The following CTBP2 variants were observed in gnomAD, a reference collection of about 807,000 sequenced individuals.
CTBP2 encodes the protein C-terminal binding protein 2, also known as C-terminal-binding protein 2.
CTBP2 carries 30 observed loss-of-function variants against 80.3 expected under a neutral mutation model. The ratio of observed to expected loss-of-function variants is 0.37; its 90% CI spans 0.28 to 0.51. The LOEUF (loss-of-function observed/expected upper bound fraction) is 0.51. CTBP2 is among the 20% of genes least tolerant of loss of function. CTBP2 has a pLI of 0.93. For missense variants in CTBP2, 1,212 were observed against 1,375.3 expected (o/e 0.88, Z 1.88); for synonymous variants, 594 against 587.4 (o/e 1.01, Z -0.16).
At chr10:125,020,975 C>G (rs1467101794) in intron 1 of CTBP2, among the ~76,000 whole-genome samples, 1 of 152,198 alleles carries the variant, frequency 6.6e-6, no homozygotes, top group East Asian at 1.9e-4. Context: ...AAACTGAGGA[C>G]CACAGCAGGG....
chr10:125,130,037 C>T (rs1028319559), intron 1 of CTBP2, among the ~76,000 whole-genome samples: 1 of 79,622 alleles, frequency 1.3e-5, no homozygotes, highest in African/African-American at 4.0e-5. Flanking sequence ...CACAGGATTT[C>T]TCTCTTTTTT....
Position 125,005,526 on chromosome 10 carries a change from C to T in CTBP2, c.1679-2034G>A, listed in dbSNP as rs149175341. The T allele has an allele frequency of 5.1e-4, 815 of 1,596,094 alleles. 2 individuals carry two copies. The highest frequency in any genetic ancestry group is 4.8e-3 in the African/African-American group (359 of 74,644). ...GGGGAAAATAAGGCAGGGACGAGGG[C>T]CAACACCCCCGTGTCCTCACCAGCC... On this transcript the variant is annotated intron_variant, in intron 1 of 8. Transcript: ENST00000309035.
intron 2 of CTBP2, among the ~76,000 whole-genome samples, chr10:125,045,688 ACCACGTTGGC>A (rs1445797253): frequency 6.6e-6 from 1 of 152,098 alleles, no homozygotes; most frequent in African/African-American, 2.4e-5. Context: ...ACAGGGTTTC[ACCACGTTGGC>A]CAGGCTGGTC....
intron 2 of CTBP2, among the ~76,000 whole-genome samples, chr10:125,061,483 G>A (rs1964965094): frequency 6.6e-6 from 1 of 152,202 alleles, no homozygotes; most frequent in Non-Finnish European, 1.5e-5. Flanking sequence ...GCCAGGAACA[G>A]GACCTCCCTC....
At chr10:125,098,692 G>GACAGAGAGAC (rs1564913926) in intron 2 of CTBP2, among the ~76,000 whole-genome samples, 6 of 118,778 alleles carry the variant, frequency 5.1e-5, no homozygotes, top group Non-Finnish European at 8.5e-5. Context: ...GAGAGAGAGA[G>GACAGAGAGAC]AGAGAGAGAG....
At chr10:125,037,245 T>C (rs2134946776) in intron 3 of CTBP2, among the ~76,000 whole-genome samples, 1 of 152,290 alleles carries the variant, frequency 6.6e-6, no homozygotes, top group South Asian at 2.1e-4. Flanking sequence ...GACAATGGTT[T>C]TGCCCAAGTC....
chr10:125,151,545 T>C (rs1337314224), intron 1 of CTBP2, among the ~76,000 whole-genome samples: 16 of 152,150 alleles, frequency 1.1e-4, no homozygotes. Context: ...CAAGTGGAAA[T>C]GATGCCGCTG....
intron 2 of CTBP2, chr10:125,100,530 A>G (rs1024461169): frequency 2.0e-5 from 3 of 152,246 alleles, no homozygotes; most frequent in Admixed American, 6.5e-5. Context: ...TTTTTGGAAA[A>G]AAAATTTTTT....
chr10:125,135,487 T>C (rs746102149), intron 1 of CTBP2, among the ~76,000 whole-genome samples: 11 of 152,064 alleles, frequency 7.2e-5, no homozygotes, highest in African/African-American at 9.7e-5. Flanking sequence ...GCAGGAAGCC[T>C]CAAGAGGTCC....
intron 2 of CTBP2, among the ~76,000 whole-genome samples, chr10:125,105,507 A>G (rs773662099): frequency 1.3e-5 from 2 of 152,172 alleles, no homozygotes; most frequent in African/African-American, 2.4e-5. Flanking sequence ...GAAAGTAACC[A>G]GGCTCTTGCA....
In CTBP2 at chr10:124,989,319, T is replaced by A. The variant is rs796692131; in HGVS notation, c.*199A>T. ...AGAAGTTGGTCGTTAATAAATCACA[T>A]CCTAGTCTTTCAGCGCTTCCGTAAG... On this transcript the variant is annotated 3_prime_UTR_variant, in exon 9 of 9. Transcript: ENST00000309035. 3.2e-6 allele frequency: 2 copies of A among 617,682 alleles called. No individual in the cohort carries two copies. The highest frequency in any genetic ancestry group is 5.7e-6 in the Non-Finnish European group (2 of 349,220). The allele number at this position is 617,682 out of a possible 1,614,324, so 38.3% of individuals were successfully genotyped here. A position where few individuals can be genotyped will look rare whatever the true frequency, so the allele number is the denominator to read the frequency against.
Position 124,989,489 on chromosome 10 carries a change from T to G in CTBP2, c.*29A>C, listed in dbSNP as rs1952286176. The G allele has an allele frequency of 2.5e-6, 4 of 1,600,376 alleles. No homozygotes were observed. The African/African-American group carries it at 4.0e-5, about 16-fold the overall frequency. ...TCACTGTCTCTTGGTCCCAAGTGTA[T>G]CTGAGTGATTACCTTCTGGCATTCT... On this transcript the variant is annotated 3_prime_UTR_variant, in exon 9 of 9. Transcript: ENST00000309035.
In CTBP2 at chr10:125,022,781, T is replaced by C. The variant is rs905081248; in HGVS notation, c.1678+3301A>G. On this transcript the variant is annotated intron_variant, in intron 1 of 8. Transcript: ENST00000309035. ...CCCCAAATGTCCTTGTGCTCTGAGA[T>C]GGGGGAAGCCTGCCGAAGGTTTAAG... 8.5e-5 allele frequency among the ~76,000 whole-genome samples: 13 copies of C among 152,094 alleles called. 1 individual carries two copies. Among genetic ancestry groups the C allele is most frequent in the African/African-American group, 3.1e-4 (13 of 41,424 alleles).
At chr10:125,015,937 C>CT (rs1418564774) in intron 1 of CTBP2, among the ~76,000 whole-genome samples, 1 of 152,200 alleles carries the variant, frequency 6.6e-6, no homozygotes. Flanking sequence ...CTGCAGGAAT[C>CT]TAAAAAGGCC....
intron 1 of CTBP2, 131 bp from the exon 4 acceptor site, chr10:125,003,623 G>A (rs901531896): frequency 2.5e-5 from 16 of 632,762 alleles, no homozygotes; most frequent in African/African-American, 1.1e-4. Flanking sequence ...CGAGGGCACC[G>A]CCTCCACCTG....
chr10:125,034,992 C>T (rs1416411866), intron 3 of CTBP2, among the ~76,000 whole-genome samples: 2 of 152,112 alleles, frequency 1.3e-5, no homozygotes, highest in Non-Finnish European at 2.9e-5. Flanking sequence ...GTTCCTTATA[C>T]GTATGGATGA....
At chr10:125,058,446 G>A (rs1462375974) in intron 2 of CTBP2, among the ~76,000 whole-genome samples, 2 of 152,146 alleles carry the variant, frequency 1.3e-5, no homozygotes, top group Non-Finnish European at 1.5e-5. Flanking sequence ...TCTGGAGGAC[G>A]GTGTTCACAC....
Position 124,993,316 on chromosome 10 carries a change from G to A in CTBP2, c.2545C>T (p.Pro849Ser). The A allele has an allele frequency of 3.7e-6, 6 of 1,608,330 alleles. No homozygotes were observed. The highest frequency in any genetic ancestry group is 5.1e-6 in the Non-Finnish European group (6 of 1,175,252). ...ATGAGATTCGGGGCATCTTTCAACGGACCCTGAGCAAAGCTAGAAAAATGT... is the reference window on the plus strand; with the variant it reads ...ATGAGATTCGGGGCATCTTTCAACGAACCCTGAGCAAAGCTAGAAAAATGT... The change falls in exon 7 of 9, where the codon CCG (proline) becomes TCG (serine). Residue 849 changes from proline to serine, a missense_variant. Physicochemically the swap from Pro to Ser is moderately conservative, Grantham distance 74. Coordinates refer to ENST00000309035, the MANE Select transcript of CTBP2 (RefSeq NM_022802.3).
At chr10:125,142,114 GGGTTTGCAGGGGACGGGGGC>G (rs1372187782) in intron 1 of CTBP2, among the ~76,000 whole-genome samples, 5 of 152,212 alleles carry the variant, frequency 3.3e-5, no homozygotes, top group African/African-American at 1.2e-4. Flanking sequence ...GCCCACTCTT[GGGTTTGCAGGGGACGGGGGC>G]GGTTTGCCTA....
Sources: allele counts gnomAD v4.1 joint callset (sites outside exome capture counted in the v4.1 genomes callset), GRCh38; gene constraint gnomAD v4.1.1; transcripts MANE v1.5; gene names NCBI Gene and HGNC (gene_info 2026-07-23, HGNC 2026-07-21).